Variants in CRIPTO observed in about 807,000 individuals in gnomAD.
The protein encoded by CRIPTO is cripto, EGF-CFC family member.
chr3:46,578,706 A>AAAAT, the CRIPTO span, among the ~76,000 whole-genome samples: 1 of 152,154 alleles, frequency 6.6e-6, no homozygotes, highest in African/African-American at 2.4e-5. Context: ...CTCCCTCTCA[A>AAAAT]AAATAAATAA....
At chr3:46,579,600 A>G in the CRIPTO span, 2 of 1,213,050 alleles carry the variant, frequency 1.6e-6, no homozygotes, top group South Asian at 2.5e-5. Context: ...TGGCCTATGC[A>G]TGAAAATGAC....
chr3:46,579,560 A>C, the CRIPTO span: 3 of 1,193,082 alleles, frequency 2.5e-6, no homozygotes, highest in Middle Eastern at 3.8e-4. Context: ...CCCTGAGTCC[A>C]CTTCACACTG....
At chr3:46,580,116 G>A in the CRIPTO span, 54 of 1,612,166 alleles carry the variant, frequency 3.3e-5, no homozygotes, top group Non-Finnish European at 4.4e-5. Flanking sequence ...GTTGCCTTGG[G>A]GGGTGCTTAG....
At chr3:46,582,078 G>GA in the CRIPTO span, 8 of 152,174 alleles carry the variant, frequency 5.3e-5, no homozygotes, top group African/African-American at 9.7e-5. Flanking sequence ...AAATAGAAGA[G>GA]AGAGGTTGAA....
the CRIPTO span, among the ~76,000 whole-genome samples, chr3:46,576,310 A>G: frequency 6.6e-6 from 1 of 151,992 alleles, no homozygotes; most frequent in East Asian, 1.9e-4. Flanking sequence ...TCTACTGAAA[A>G]TACAAAAATT....
At chr3:46,579,928 T>A in the CRIPTO span, 1 of 1,614,142 alleles carries the variant, frequency 6.2e-7, no homozygotes, top group Non-Finnish European at 8.5e-7. Flanking sequence ...CCCAAGGCTA[T>A]CGCCTTACCT....
chr3:46,579,923 G>C, the CRIPTO span: 1 of 1,614,190 alleles, frequency 6.2e-7, no homozygotes, highest in Non-Finnish European at 8.5e-7. Flanking sequence ...TCAGACCCAA[G>C]GCTATCGCCT....
At chr3:46,580,180 C>T in the CRIPTO span, 2 of 1,389,032 alleles carry the variant, frequency 1.4e-6, no homozygotes, top group South Asian at 2.5e-5. Flanking sequence ...AGCCAAAGTT[C>T]TGCTTATAAA....
At chr3:46,579,025 A>C in the CRIPTO span, 16 of 1,531,816 alleles carry the variant, frequency 1.0e-5, no homozygotes, top group Middle Eastern at 2.0e-4. Flanking sequence ...TGATGAGAGG[A>C]CCTGGGTGTT....
At chr3:46,581,042 A>G in the CRIPTO span, 1 of 942,768 alleles carries the variant, frequency 1.1e-6, no homozygotes, top group Non-Finnish European at 1.7e-6. Flanking sequence ...GAGCAGGTTC[A>G]CAGTAGCGTA....
At chr3:46,580,082 T>C in the CRIPTO span, 10 of 1,614,104 alleles carry the variant, frequency 6.2e-6, no homozygotes, top group Non-Finnish European at 6.8e-6. Context: ...TTCTCCTCTT[T>C]CTTTTGCCCT....
chr3:46,580,048 C>G, the CRIPTO span: 28 of 1,614,138 alleles, frequency 1.7e-5, no homozygotes, highest in Non-Finnish European at 6.8e-6. Context: ...TCAGGCATTT[C>G]TACCCGGCTG....
the CRIPTO span, chr3:46,577,394 A>C: frequency 6.4e-6 from 1 of 155,266 alleles, no homozygotes; most frequent in Non-Finnish European, 1.4e-5. Flanking sequence ...AAATTTCAGG[A>C]AGTAAAACTT....
chr3:46,578,404 AC>A, the CRIPTO span, among the ~76,000 whole-genome samples: 1 of 151,402 alleles, frequency 6.6e-6, no homozygotes, highest in Non-Finnish European at 1.5e-5. Context: ...TTACCTAAAA[AC>A]CTTTTAAGTG....
At chr3:46,575,226 T>A in the CRIPTO span, among the ~76,000 whole-genome samples, 4 of 152,266 alleles carry the variant, frequency 2.6e-5, no homozygotes, top group African/African-American at 9.6e-5. Flanking sequence ...ACAATTACTG[T>A]TCTTTCTCTC....
the CRIPTO span, chr3:46,579,009 T>G: frequency 7.0e-6 from 10 of 1,434,070 alleles, no homozygotes; most frequent in Middle Eastern, 6.5e-4. Context: ...TGTGGTCTTG[T>G]CCTTGTGATG....
chr3:46,581,006 G>C, the CRIPTO span: 1 of 738,068 alleles, frequency 1.4e-6, no homozygotes, highest in East Asian at 2.7e-5. Context: ...CACTGGGCTA[G>C]GTTCCAGGTG....
At chr3:46,579,324 C>CCTCG in the CRIPTO span, 8 of 1,613,934 alleles carry the variant, frequency 5.0e-6, no homozygotes. Flanking sequence ...TGCAATTCGG[C>CCTCG]CTCGGTCTTC....
chr3:46,580,032 C>T, the CRIPTO span: 1 of 1,614,268 alleles, frequency 6.2e-7, no homozygotes, highest in Admixed American at 1.7e-5. Context: ...AGCTCCGCTG[C>T]TTTCCTCAGG....
Sources: gnomAD v4.1 joint callset for allele counts (sites outside exome capture counted in the v4.1 genomes callset) on GRCh38, gnomAD v4.1.1 for gene constraint, MANE v1.5 for transcripts, NCBI Gene and HGNC (gene_info 2026-07-23, HGNC 2026-07-21) for gene names.